The following CPD variants were observed in gnomAD, a reference collection of about 807,000 sequenced individuals.
CPD encodes the protein carboxypeptidase D, also known as metallocarboxypeptidase D.
In CPD, 69 loss-of-function variants were observed where a neutral mutation model predicts 138.3. The ratio of observed to expected loss-of-function variants is 0.50; its 90% CI spans 0.41 to 0.61. CPD has a LOEUF of 0.61. CPD is among the 20% of genes least tolerant of loss of function. The pLI, the probability that CPD is intolerant of heterozygous loss-of-function variation, is 0.00. For missense variants in CPD, 1,432 were observed against 1,733.3 expected (o/e 0.83, Z 3.09); for synonymous variants, 651 against 642.1 (o/e 1.01, Z -0.21).
intron 1 of CPD, chr17:30,380,506 A>T (rs1911010936): frequency 7.4e-7 from 1 of 1,360,226 alleles, no homozygotes; most frequent in Admixed American, 3.4e-5. Flanking sequence ...CCTGGGCAGA[A>T]TGGCTAATGG....
intron 2 of CPD, among the ~76,000 whole-genome samples, chr17:30,392,355 A>G (rs1359659924): frequency 2.6e-5 from 4 of 152,180 alleles, no homozygotes; most frequent in African/African-American, 7.2e-5. Context: ...TTATAAAAAT[A>G]TTCTTCCTAG....
Position 30,379,073 on chromosome 17 carries a change from G to T in CPD, c.93G>T (p.Ala31=). Residue 31 remains alanine (A), a synonymous_variant, in exon 1 of 21, where the codon GCG becomes GCT. Transcript: ENST00000225719. This position sits in a 1 kb window ranked among gnomAD's most constrained non-coding sequence, Gnocchi z 7.0. ...CLLLLGSSAR[A]AHIKKAEATT... is the part of the protein sequence containing the mutation. The stretch of plus-strand genomic sequence containing the variant: ...TGCTGCTGGGGAGCTCGGCCCGGGC[G>T]GCTCACATCAAGAAGGCGGAGGCGA... The T allele has an allele frequency of 6.4e-7, 1 of 1,561,298 alleles. No individual in the cohort carries two copies. Among genetic ancestry groups the T allele is most frequent in the East Asian group, 2.5e-5 (1 of 40,184 alleles).
chr17:30,448,178 A>G (rs1913076684), intron 12 of CPD, among the ~76,000 whole-genome samples: 1 of 152,182 alleles, frequency 6.6e-6, no homozygotes, highest in African/African-American at 2.4e-5. Context: ...TCTTAGTGCC[A>G]TAGAGTTCAT....
chr17:30,438,911 T>G, intron 8 of CPD, 64 bp from the exon 9 acceptor site: 2 of 1,021,598 alleles, frequency 2.0e-6, no homozygotes, highest in Non-Finnish European at 2.9e-6. Flanking sequence ...CCTGTATCTT[T>G]CCAGTATTTT....
chr17:30,450,490 T>C (rs773137825), intron 13 of CPD, among the ~76,000 whole-genome samples: 15 of 152,226 alleles, frequency 9.9e-5, no homozygotes, highest in Admixed American at 3.9e-4. Context: ...TAAAAAATTA[T>C]TGGACATCTT....
chr17:30,380,560 G>A, intron 1 of CPD: 1 of 1,486,378 alleles, frequency 6.7e-7, no homozygotes, highest in Non-Finnish European at 8.9e-7. Context: ...AGCATTGCAT[G>A]AGGTTTAAAA....
chr17:30,434,700 T>G lies in CPD; in HGVS notation c.2127+2819T>G, dbSNP rs116682152. 3.8e-3 allele frequency among the ~76,000 whole-genome samples: 569 copies of G among 150,796 alleles called. 7 individuals carry two copies. The highest frequency in any genetic ancestry group is 0.013 in the African/African-American group (552 of 41,040). On this transcript the variant is annotated intron_variant, in intron 8 of 20. Transcript: ENST00000225719. ...GAAGTGCTCCTTGGCAATTAGATGG[T>G]GAATGGGAAAAGGAAAAAGTGGGGA...
chr17:30,423,593 G>T lies in CPD; in HGVS notation c.1745G>T (p.Cys582Phe). The change falls in exon 6 of 21, where the codon TGT becomes TTT. Residue 582 changes from cysteine (C) to phenylalanine (F), a missense_variant. By Grantham distance (205) the Cys-to-Phe change is radical. Coordinates refer to ENST00000225719, the MANE Select transcript of CPD (RefSeq NM_001304.5). ...ELLLNLIEYL[C>F]KNFGTDPEVT... ...CTGTTGAACCTCATAGAATACCTTT[G>T]TAAGAACTTTGGAACAGACCCTGAA... The T allele has an allele frequency of 6.2e-7, 1 of 1,612,568 alleles. No homozygotes were observed. Among genetic ancestry groups the T allele is most frequent in the Non-Finnish European group, 8.5e-7 (1 of 1,179,344 alleles).
Position 30,445,871 on chromosome 17 carries a change from C to T in CPD, c.2724C>T (p.Asp908=). The part of the protein sequence containing the change: ...TTKEFETLIK[D]LSAENGLESL... ...AAGAGTTTGAAACTTTAATTAAAGA[C>T]CTTTCAGCGGAGAATGGTTTGGAAA... The change falls in exon 12 of 21, where the codon GAC becomes GAT. Residue 908 remains aspartate (D), a synonymous_variant. Transcript: ENST00000225719. 1 of 1,614,120 alleles carries T rather than the reference C, an allele frequency of 6.2e-7. No homozygotes were observed. The highest frequency in any genetic ancestry group is 8.5e-7 in the Non-Finnish European group (1 of 1,179,988).
At chr17:30,429,479 G>A (rs1221627786) in intron 7 of CPD, among the ~76,000 whole-genome samples, 1 of 152,100 alleles carries the variant, frequency 6.6e-6, no homozygotes, top group East Asian at 1.9e-4. Context: ...TGAAATCTTG[G>A]CAAAGCAGTT....
In CPD at chr17:30,385,214, C is replaced by A; in HGVS notation, c.972C>A (p.Gly324=). Residue 324 remains glycine (G), a synonymous_variant, in exon 2 of 21, where the codon GGC becomes GGA. Transcript: ENST00000225719. ...DETFKDGITN[G]AHWYDVEGGM... ...CTTTCAAAGATGGAATCACAAACGG[C>A]GCACATTGGTATGATGTGGAAGGTA... 6.2e-7 allele frequency: 1 copy of A among 1,613,954 alleles called. No homozygotes were observed. The highest frequency in any genetic ancestry group is 1.3e-5 in the African/African-American group (1 of 74,996).
intron 12 of CPD, among the ~76,000 whole-genome samples, chr17:30,447,396 A>C (rs1339043280): frequency 6.6e-6 from 1 of 152,132 alleles, no homozygotes; most frequent in African/African-American, 2.4e-5. Context: ...TTAATAGTGA[A>C]TCTTGGGAAC....
chr17:30,457,062 A>G (rs1274850284), intron 17 of CPD, among the ~76,000 whole-genome samples: 1 of 152,072 alleles, frequency 6.6e-6, no homozygotes, highest in Non-Finnish European at 1.5e-5. Flanking sequence ...TTGTGCCCCA[A>G]AAACCATATC....
At chr17:30,429,111 T>A (rs1728300497) in intron 7 of CPD, among the ~76,000 whole-genome samples, 1 of 152,204 alleles carries the variant, frequency 6.6e-6, no homozygotes, top group Admixed American at 6.5e-5. Context: ...AAAGTACTTC[T>A]ACAGTTGGTA....
chr17:30,387,539 T>C (rs1449187246), intron 2 of CPD, among the ~76,000 whole-genome samples: 1 of 152,218 alleles, frequency 6.6e-6, no homozygotes, highest in Non-Finnish European at 1.5e-5. Flanking sequence ...TATGCACAGA[T>C]GTAGATGTAG....
At chr17:30,449,332 T>G (rs1360274882) in intron 12 of CPD, among the ~76,000 whole-genome samples, 3 of 151,676 alleles carry the variant, frequency 2.0e-5, no homozygotes, top group African/African-American at 4.9e-5. Flanking sequence ...TCATAATCTT[T>G]CCTAAATCTT....
chr17:30,404,091 C>T (rs1205872911), intron 2 of CPD, among the ~76,000 whole-genome samples: 8 of 152,026 alleles, frequency 5.3e-5, no homozygotes, highest in Admixed American at 5.2e-4. Flanking sequence ...TTAATGGTAA[C>T]CCAGGGTCTG....
In CPD at chr17:30,469,101, C is replaced by A. The variant is rs1488469618; in HGVS notation, c.*4287C>A. The A allele has an allele frequency of 6.6e-6, 1 of 152,092 alleles. No individual in the cohort carries two copies. Among genetic ancestry groups the A allele is most frequent in the African/African-American group, 2.4e-5 (1 of 41,426 alleles). 9.4% of individuals were successfully genotyped at this position (152,092 alleles called of 1,614,324 possible). The stretch of plus-strand genomic sequence containing the variant: ...GCACAGCAAGGATGAATTCAATATC[C>A]CCTTTTCACTTAGCAACAATGTGTT... On this transcript the variant is annotated 3_prime_UTR_variant, in exon 21 of 21. Coordinates refer to ENST00000225719, the MANE Select transcript of CPD (RefSeq NM_001304.5).
intron 1 of CPD, chr17:30,380,603 A>G (rs1911013864): frequency 2.0e-6 from 3 of 1,511,254 alleles, no homozygotes; most frequent in Admixed American, 2.2e-5. Flanking sequence ...GACCTCAAGA[A>G]ATTAGTATAA....
Sources: allele counts gnomAD v4.1 joint callset (sites outside exome capture counted in the v4.1 genomes callset), GRCh38; gene constraint gnomAD v4.1.1; non-coding constraint Gnocchi (gnomAD v3.1); transcripts MANE v1.5; gene names NCBI Gene and HGNC (gene_info 2026-07-23, HGNC 2026-07-21).